The following SAMD3 variants were observed in gnomAD, a reference collection of about 807,000 sequenced individuals.
SAMD3 encodes sterile alpha motif domain containing 3.
Under a neutral mutation model 58.5 loss-of-function variants are expected in SAMD3, and 63 were observed. The ratio of observed to expected loss-of-function variants is 1.08; its 90% CI spans 0.88 to 1.33. The LOEUF (loss-of-function observed/expected upper bound fraction) is 1.33, where lower values mean the gene tolerates loss of function less well. Among genes scored for constraint, SAMD3 ranks in the 40% most tolerant of loss-of-function variants. The probability of loss-of-function intolerance (pLI) is 0.00; values close to 1 mark genes in which losing one functional copy is unlikely to be tolerated. For missense variants in SAMD3, 604 were observed against 608.4 expected, an observed-to-expected ratio of 0.99 and a Z score of 0.08; for synonymous variants, 220 against 210.3, an observed-to-expected ratio of 1.05 and a Z score of -0.40.
chr6:130,172,415 C>T (rs1054479771), intron 8 of SAMD3, among the ~76,000 whole-genome samples: 6 of 152,276 alleles, frequency 3.9e-5, no homozygotes, highest in African/African-American at 1.4e-4. Context: ...TGACAAAACC[C>T]CTCAGCATTT....
intron 8 of SAMD3, among the ~76,000 whole-genome samples, chr6:130,166,027 G>T (rs1277713732): frequency 6.6e-6 from 1 of 152,148 alleles, no homozygotes; most frequent in East Asian, 1.9e-4. Context: ...TCTCCATCCA[G>T]TTACAGCAGG....
At chr6:130,161,222 C>T (rs948452812) in intron 8 of SAMD3, 19 of 152,134 alleles carry the variant, frequency 1.2e-4, no homozygotes, top group African/African-American at 4.3e-4. Context: ...GTCTCATAAA[C>T]TACATATATG....
At chr6:130,210,357 G>T (rs535778303) in intron 4 of SAMD3, among the ~76,000 whole-genome samples, 11 of 152,268 alleles carry the variant, frequency 7.2e-5, no homozygotes, top group South Asian at 6.2e-4. Context: ...CCAGCATTTT[G>T]GGAGGCTGAG....
Position 130,204,596 on chromosome 6 carries a change from C to CAAA in SAMD3, c.383+4896_383+4898dup, listed in dbSNP as rs761986238. 6.5e-4 allele frequency among the ~76,000 whole-genome samples: 90 copies of CAAA among 138,580 alleles called. 6 individuals are homozygous for CAAA. The highest frequency in any genetic ancestry group is 1.7e-3 in the African/African-American group (60 of 35,616). The allele number at this position is 138,580 out of a possible 152,430, so 90.9% of individuals were successfully genotyped here. A position where few individuals can be genotyped will look rare whatever the true frequency, so the allele number is the denominator to read the frequency against. ...TGGGTGACAGAACGAGACCCTATCT[C>CAAA]AAAAAAAGAAAAAAAAAAGCACGGT... On this transcript the variant is annotated intron_variant, in intron 5 of 11. Transcript: ENST00000439090.
chr6:130,269,063 T>C (rs192328217), intron 2 of SAMD3, among the ~76,000 whole-genome samples: 15 of 152,330 alleles, frequency 9.8e-5, no homozygotes, highest in South Asian at 6.2e-4. Context: ...TTTTACTCCT[T>C]TTCTTATTCT....
chr6:130,212,326 A>G (rs1424365371), intron 4 of SAMD3, among the ~76,000 whole-genome samples: 1 of 152,196 alleles, frequency 6.6e-6, no homozygotes, highest in Admixed American at 6.5e-5. Flanking sequence ...GAATAATTTA[A>G]TCTAAATACA....
chr6:130,235,797 G>C (rs952592447), intron 2 of SAMD3, among the ~76,000 whole-genome samples: 1 of 152,130 alleles, frequency 6.6e-6, no homozygotes, highest in African/African-American at 2.4e-5. Context: ...TTGTATTTAA[G>C]TATAATGAGA....
intron 1 of SAMD3, among the ~76,000 whole-genome samples, chr6:130,320,174 A>C (rs1480117448): frequency 1.3e-5 from 2 of 152,180 alleles, no homozygotes; most frequent in Non-Finnish European, 2.9e-5. Context: ...AAAGACTCAG[A>C]TCCAGAATAT....
At chr6:130,338,031 C>A (rs552419948) in intron 1 of SAMD3, among the ~76,000 whole-genome samples, 2 of 152,226 alleles carry the variant, frequency 1.3e-5, no homozygotes, top group Non-Finnish European at 2.9e-5. Context: ...TTCACAGCAG[C>A]CCTTCCCATC....
At chr6:130,214,609 G>T (rs866864834) in intron 3 of SAMD3, 83 bp from the exon 4 acceptor site, 9 of 927,828 alleles carry the variant, frequency 9.7e-6, no homozygotes, top group Non-Finnish European at 1.2e-5. Context: ...TACCTCTAGT[G>T]ATAAAAGGAT....
intron 2 of SAMD3, among the ~76,000 whole-genome samples, chr6:130,275,592 G>T (rs1400250385): frequency 6.6e-6 from 1 of 151,986 alleles, no homozygotes; most frequent in Non-Finnish European, 1.5e-5. Flanking sequence ...ATATAAATTT[G>T]AGTTTATTAA....
intron 2 of SAMD3, among the ~76,000 whole-genome samples, chr6:130,266,596 A>T: frequency 6.6e-6 from 1 of 152,202 alleles, no homozygotes; most frequent in South Asian, 2.1e-4. Context: ...CATTTAGTAA[A>T]TTCCCAAAGT....
chr6:130,169,534 C>A (rs1791045855), intron 8 of SAMD3, among the ~76,000 whole-genome samples: 1 of 152,088 alleles, frequency 6.6e-6, no homozygotes, highest in African/African-American at 2.4e-5. Flanking sequence ...TCTTTTTTAG[C>A]CTTAGCTGGC....
intron 2 of SAMD3, among the ~76,000 whole-genome samples, chr6:130,279,609 C>T (rs950274246): frequency 7.3e-5 from 11 of 151,444 alleles, no homozygotes; most frequent in Non-Finnish European, 1.5e-5. Context: ...CTCAGCCTCC[C>T]AAAAAGCTGG....
At chr6:130,341,836 A>T (rs1777285585) in intron 1 of SAMD3, among the ~76,000 whole-genome samples, 1 of 152,250 alleles carries the variant, frequency 6.6e-6, no homozygotes. Context: ...TTCTGTGTTA[A>T]AATGTACCAT....
chr6:130,300,252 A>C (rs1317755406), intron 2 of SAMD3, among the ~76,000 whole-genome samples: 1 of 152,228 alleles, frequency 6.6e-6, no homozygotes, highest in Non-Finnish European at 1.5e-5. Context: ...CAAAAAGATA[A>C]TTTATCACAA....
chr6:130,320,769 T>C (rs992755341), intron 1 of SAMD3, among the ~76,000 whole-genome samples: 2 of 152,226 alleles, frequency 1.3e-5, no homozygotes, highest in African/African-American at 4.8e-5. Context: ...ATTCCATTTA[T>C]ATAAAATTCT....
intron 5 of SAMD3, among the ~76,000 whole-genome samples, chr6:130,208,174 T>C (rs973885967): frequency 2.6e-5 from 4 of 152,184 alleles, no homozygotes; most frequent in African/African-American, 9.6e-5. Flanking sequence ...TGTAAAGGGG[T>C]TGTGAAAACT....
chr6:130,344,579 G>A (rs1393946908), intron 1 of SAMD3, among the ~76,000 whole-genome samples: 7 of 151,946 alleles, frequency 4.6e-5, no homozygotes, highest in South Asian at 2.1e-4. Flanking sequence ...ATGGGGATTC[G>A]CCATGTTGGC....
Sources: allele counts gnomAD v4.1 joint callset (sites outside exome capture counted in the v4.1 genomes callset), GRCh38; gene constraint gnomAD v4.1.1; transcripts MANE v1.5; gene names NCBI Gene and HGNC (gene_info 2026-07-23, HGNC 2026-07-21).